CARMIL1: variants seen among roughly 807,000 people sequenced by gnomAD.
CARMIL1 encodes F-actin-uncapping protein LRRC16A.
Under a neutral mutation model 177.1 loss-of-function variants are expected in CARMIL1, and 90 were observed. The ratio of observed to expected loss-of-function variants is 0.51; its 90% CI spans 0.43 to 0.61. CARMIL1 has a LOEUF of 0.61. CARMIL1 is among the 20% of genes least tolerant of loss of function. The probability of loss-of-function intolerance (pLI) is 0.00; values close to 1 mark genes in which losing one functional copy is unlikely to be tolerated. For missense variants in CARMIL1, 1,380 were observed against 1,667.0 expected, an observed-to-expected ratio of 0.83 and a Z score of 3.00; for synonymous variants, 577 against 606.2, an observed-to-expected ratio of 0.95 and a Z score of 0.71.
intron 12 of CARMIL1, among the ~76,000 whole-genome samples, chr6:25,483,269 CT>C (rs71682476): frequency 0.11 from 17,215 of 152,170 alleles, 1,067 homozygotes; most frequent in East Asian, 0.2. Flanking sequence ...AAGCCACTGT[CT>C]TTTGGAAACA....
chr6:25,614,578 C>G (rs987826139), intron 36 of CARMIL1, among the ~76,000 whole-genome samples: 4 of 152,030 alleles, frequency 2.6e-5, no homozygotes, highest in African/African-American at 4.8e-5. Flanking sequence ...TCTATATTGC[C>G]CCTTTTGTTA....
chr6:25,505,318 T>C (rs916978672), intron 17 of CARMIL1, among the ~76,000 whole-genome samples: 12 of 152,166 alleles, frequency 7.9e-5, no homozygotes, highest in Non-Finnish European at 1.5e-4. Flanking sequence ...TTCAGAGAAA[T>C]GTGTGTGTTC....
At chr6:25,593,030 T>A (rs141029765) in intron 31 of CARMIL1, among the ~76,000 whole-genome samples, 4 of 152,002 alleles carry the variant, frequency 2.6e-5, no homozygotes, top group African/African-American at 9.7e-5. Flanking sequence ...AAGATCGGAG[T>A]TTTTGGCTGC....
intron 2 of CARMIL1, among the ~76,000 whole-genome samples, chr6:25,415,979 T>G (rs1581863962): frequency 6.8e-6 from 1 of 147,244 alleles, no homozygotes; most frequent in Non-Finnish European, 1.5e-5. Flanking sequence ...GAGAGAGGGG[T>G]CAGAGGAGGG....
rs768414055 is a variant in CARMIL1 at position 25,600,639 on chromosome 6, A to G, written c.3445A>G (p.Lys1149Glu). 1.2e-6 allele frequency: 2 copies of G among 1,613,800 alleles called. No individual in the cohort carries two copies. The highest frequency in any genetic ancestry group is 1.7e-6 in the Non-Finnish European group (2 of 1,179,844). Residue 1149 changes from lysine to glutamate, a missense_variant, in exon 33 of 37, where the codon AAG becomes GAG. Transcript: ENST00000329474. ...EIGKVERSDS[K>E]SSPQAGRRYG... is the part of the protein sequence containing the mutation. ...AGGGAAGGTGGAACGGAGTGACAGCAAGAGCAGCCCACAGGCAGGGCGGAG... is the reference window on the plus strand; with the variant it reads ...AGGGAAGGTGGAACGGAGTGACAGCGAGAGCAGCCCACAGGCAGGGCGGAG...
At chr6:25,376,946 A>G (rs1791044179) in intron 2 of CARMIL1, among the ~76,000 whole-genome samples, 1 of 152,192 alleles carries the variant, frequency 6.6e-6, no homozygotes, top group Non-Finnish European at 1.5e-5. Flanking sequence ...CCAGCAGGAA[A>G]GTGATCCACC....
intron 2 of CARMIL1, among the ~76,000 whole-genome samples, chr6:25,357,036 G>A (rs1252908662): frequency 1.3e-5 from 2 of 151,164 alleles, no homozygotes; most frequent in Admixed American, 6.6e-5. Context: ...TATTGGGGTA[G>A]GATGGAGACT....
chr6:25,605,008 T>G, intron 34 of CARMIL1, 115 bp downstream of exon 34: 1 of 767,192 alleles, frequency 1.3e-6, no homozygotes, highest in Non-Finnish European at 2.1e-6. Flanking sequence ...GATCTCTTTG[T>G]TGTGTGTTCT....
chr6:25,538,481 A>G (rs1369158097), intron 25 of CARMIL1, among the ~76,000 whole-genome samples: 1 of 152,190 alleles, frequency 6.6e-6, no homozygotes, highest in Non-Finnish European at 1.5e-5. Context: ...TAGATCAATC[A>G]GATACTCTTG....
At chr6:25,421,513 C>T (rs190107276) in intron 3 of CARMIL1, among the ~76,000 whole-genome samples, 206 of 152,246 alleles carry the variant, frequency 1.4e-3, no homozygotes, top group African/African-American at 4.8e-3. Context: ...ACCCAGCCAT[C>T]GCATTACTGG....
intron 25 of CARMIL1, among the ~76,000 whole-genome samples, chr6:25,538,633 C>T (rs1032739741): frequency 3.3e-5 from 5 of 152,092 alleles, no homozygotes; most frequent in African/African-American, 1.2e-4. Flanking sequence ...GTTCCTGAAC[C>T]AGAGCTTCTA....
chr6:25,470,775 C>G (rs192318352), intron 9 of CARMIL1, among the ~76,000 whole-genome samples: 2 of 152,282 alleles, frequency 1.3e-5, no homozygotes, highest in African/African-American at 4.8e-5. Context: ...TCTGGGGCCT[C>G]TTTTACGAAA....
chr6:25,310,257 A>G (rs1208564859), intron 2 of CARMIL1, among the ~76,000 whole-genome samples: 5 of 152,226 alleles, frequency 3.3e-5, no homozygotes, highest in Non-Finnish European at 5.9e-5. Context: ...TAGAAGGATC[A>G]TATACCATGA....
intron 2 of CARMIL1, among the ~76,000 whole-genome samples, chr6:25,293,471 GA>G (rs895158497): frequency 6.6e-6 from 1 of 151,834 alleles, no homozygotes; most frequent in Non-Finnish European, 1.5e-5. Flanking sequence ...CCGCAGCCTC[GA>G]TATCCTGGGC....
intron 2 of CARMIL1, among the ~76,000 whole-genome samples, chr6:25,400,547 G>A (rs1793800865): frequency 6.6e-6 from 1 of 152,122 alleles, no homozygotes. Flanking sequence ...CACCAGCTGT[G>A]CTTCATGGTA....
intron 29 of CARMIL1, among the ~76,000 whole-genome samples, chr6:25,579,903 G>GT (rs1812973294): frequency 6.6e-6 from 1 of 152,070 alleles, no homozygotes; most frequent in Admixed American, 6.6e-5. Flanking sequence ...CATGTAGATT[G>GT]TTTTTTTGAG....
chr6:25,384,539 G>A (rs1161935052), intron 2 of CARMIL1, among the ~76,000 whole-genome samples: 1 of 152,246 alleles, frequency 6.6e-6, no homozygotes, highest in Non-Finnish European at 1.5e-5. Context: ...CTCTGAGCCA[G>A]TCCCCTCCCC....
intron 29 of CARMIL1, 61 bp downstream of exon 29, chr6:25,556,911 T>TC: frequency 6.7e-7 from 1 of 1,494,840 alleles, no homozygotes; most frequent in South Asian, 1.2e-5. Flanking sequence ...ATTGTTTTTT[T>TC]TTTTTTTTTT....
At chr6:25,279,869 C>T (rs757300218) in intron 1 of CARMIL1, 34 bp downstream of exon 1, 9 of 1,610,224 alleles carry the variant, frequency 5.6e-6, no homozygotes, top group Non-Finnish European at 6.8e-6. Context: ...TTTCCACCTT[C>T]CTCTGCGTAC....
Sources: gnomAD v4.1 joint callset for allele counts (sites outside exome capture counted in the v4.1 genomes callset) on GRCh38, gnomAD v4.1.1 for gene constraint, MANE v1.5 for transcripts, NCBI Gene and HGNC (gene_info 2026-07-23, HGNC 2026-07-21) for gene names.